SHISA9: variants seen among roughly 807,000 people sequenced by gnomAD.
SHISA9 encodes protein shisa-9.
A neutral mutation model predicts 38.0 loss-of-function variants in SHISA9; 13 were observed. The ratio of observed to expected loss-of-function variants is 0.34; its 90% CI spans 0.22 to 0.54. The LOEUF (loss-of-function observed/expected upper bound fraction) is 0.54. SHISA9 is among the 20% of genes least tolerant of loss of function. The pLI, the probability that SHISA9 is intolerant of heterozygous loss-of-function variation, is 0.91. For synonymous variants in SHISA9, 275 were observed against 242.0 expected (o/e 1.14, Z -1.27); for missense variants, 538 against 575.8 (o/e 0.93, Z 0.67).
intron 2 of SHISA9, among the ~76,000 whole-genome samples, chr16:12,980,935 C>A (rs532093941): frequency 6.6e-6 from 1 of 152,062 alleles, no homozygotes; most frequent in African/African-American, 2.4e-5. Flanking sequence ...CTACTTTATG[C>A]TGTTAATATC....
At chr16:12,919,364 C>T (rs887986102) in intron 2 of SHISA9, among the ~76,000 whole-genome samples, 6 of 152,136 alleles carry the variant, frequency 3.9e-5, no homozygotes, top group South Asian at 2.1e-4. Context: ...AAGAAGGGCA[C>T]GTCATGCTAT....
At chr16:13,526,422 T>TA in the SHISA9 span, among the ~76,000 whole-genome samples, 2 of 152,158 alleles carry the variant, frequency 1.3e-5, no homozygotes, top group African/African-American at 2.4e-5. Flanking sequence ...CTTGCTCTGT[T>TA]GCCCAGGCTA....
At chr16:13,529,863 A>G in the SHISA9 span, among the ~76,000 whole-genome samples, 1 of 152,250 alleles carries the variant, frequency 6.6e-6, no homozygotes, top group Admixed American at 6.5e-5. Context: ...CCACAGCTCC[A>G]GGTAACCTGA....
the SHISA9 span, among the ~76,000 whole-genome samples, chr16:13,352,800 G>A: frequency 1.3e-5 from 2 of 150,286 alleles, 1 homozygote; most frequent in South Asian, 4.2e-4. Context: ...GGGGTCACAA[G>A]GTGCTCAGTG....
At chr16:13,562,771 G>A in the SHISA9 span, 4 of 152,036 alleles carry the variant, frequency 2.6e-5, no homozygotes, top group South Asian at 2.1e-4. Context: ...CACAGGCTAC[G>A]GAGAAGAAAG....
chr16:13,292,292 G>A, the SHISA9 span, among the ~76,000 whole-genome samples: 1 of 151,888 alleles, frequency 6.6e-6, no homozygotes, highest in African/African-American at 2.4e-5. Context: ...TCCTAACATA[G>A]TGTTTTTAAA....
intron 2 of SHISA9, among the ~76,000 whole-genome samples, chr16:13,102,250 A>G (rs753381994): frequency 3.3e-5 from 5 of 152,120 alleles, no homozygotes; most frequent in Non-Finnish European, 7.4e-5. Flanking sequence ...TGATTGTGCT[A>G]CCTGTTGCAT....
chr16:12,975,886 T>C (rs925356496), intron 2 of SHISA9, among the ~76,000 whole-genome samples: 42 of 152,216 alleles, frequency 2.8e-4, no homozygotes, highest in Middle Eastern at 6.8e-3. Context: ...AATTTTTTTT[T>C]TTTTTGCCAG....
In SHISA9 at chr16:13,203,562, T is replaced by G. The variant is rs1248112242; in HGVS notation, c.847+13T>G. On this transcript the variant is annotated intron_variant, in intron 3 of 4. Transcript: ENST00000558583. ...TTAAAGGCAGTCGGTAAGTGCCACC[T>G]GATGGATCTTTTTCTCTTTCTCCTC... is the stretch of plus-strand genomic sequence containing the variant. 6.7e-7 allele frequency: 1 copy of G among 1,487,620 alleles called. No homozygotes were observed. Among genetic ancestry groups the G allele is most frequent in the East Asian group, 2.6e-5 (1 of 39,054 alleles). The allele number at this position is 1,487,620 out of a possible 1,614,324, so 92.2% of individuals were successfully genotyped here.
chr16:13,184,428 A>AGAAACATCACC (rs2050803027), intron 2 of SHISA9, among the ~76,000 whole-genome samples: 1 of 152,196 alleles, frequency 6.6e-6, no homozygotes, highest in African/African-American at 2.4e-5. Flanking sequence ...CTACGTTTCT[A>AGAAACATCACC]AGTAGGGTGA....
chr16:12,946,861 G>A (rs905358724), intron 2 of SHISA9, among the ~76,000 whole-genome samples: 1 of 152,244 alleles, frequency 6.6e-6, no homozygotes, highest in Admixed American at 6.5e-5. Context: ...GCCCATGGGG[G>A]AATTCCTGCT....
At chr16:13,056,472 C>A (rs1413097459) in intron 2 of SHISA9, among the ~76,000 whole-genome samples, 1 of 152,170 alleles carries the variant, frequency 6.6e-6, no homozygotes, top group South Asian at 2.1e-4. Context: ...CTACAGACAT[C>A]AGGTCAGACA....
At chr16:13,502,180 C>G in the SHISA9 span, among the ~76,000 whole-genome samples, 2 of 151,840 alleles carry the variant, frequency 1.3e-5, no homozygotes, top group African/African-American at 4.8e-5. Context: ...AGATTGCCTA[C>G]ATAGCTGTCA....
chr16:13,441,764 A>G, the SHISA9 span, among the ~76,000 whole-genome samples: 22 of 152,092 alleles, frequency 1.4e-4, no homozygotes, highest in African/African-American at 4.1e-4. Context: ...TGCCGTCCCT[A>G]TTGAAGTCAC....
Position 13,093,166 on chromosome 16 carries a change from C to G in SHISA9, c.692-110228C>G, listed in dbSNP as rs140477082. ...GGTGAGGAACATGGGGCAGCCAGTT[C>G]AAGTGGCTGCACCCCTCTTGTTCTG... On this transcript the variant is annotated intron_variant, in intron 2 of 4. Coordinates refer to ENST00000558583, the MANE Select transcript of SHISA9 (RefSeq NM_001145204.3). 6.2e-3 allele frequency among the ~76,000 whole-genome samples: 946 copies of G among 152,264 alleles called. 10 individuals carry two copies. The highest frequency in any genetic ancestry group is 0.022 in the African/African-American group (895 of 41,556).
chr16:13,241,503 T>G (rs1007556982), downstream of SHISA9, among the ~76,000 whole-genome samples: 1 of 151,832 alleles, frequency 6.6e-6, no homozygotes, highest in African/African-American at 2.4e-5. Flanking sequence ...CCAAACTCCA[T>G]CTCAAAAAAA....
At chr16:13,518,808 G>A in the SHISA9 span, among the ~76,000 whole-genome samples, 3 of 152,196 alleles carry the variant, frequency 2.0e-5, no homozygotes, top group Admixed American at 6.5e-5. Flanking sequence ...CTCACAGTTC[G>A]AGGTTAGGAA....
chr16:12,934,648 G>A (rs1290505193), intron 2 of SHISA9, among the ~76,000 whole-genome samples: 1 of 152,132 alleles, frequency 6.6e-6, no homozygotes, highest in Non-Finnish European at 1.5e-5. Context: ...TTTCAGGCAG[G>A]CTTCATTCAC....
chr16:12,970,469 G>GTATATATATATA (rs781120776), intron 2 of SHISA9, among the ~76,000 whole-genome samples: 1 of 24,050 alleles, frequency 4.2e-5, no homozygotes, highest in African/African-American at 1.7e-4. Flanking sequence ...ATATGTGTGT[G>GTATATATATATA]TATATATATA....
Sources: gnomAD v4.1 joint callset for allele counts (sites outside exome capture counted in the v4.1 genomes callset) on GRCh38, gnomAD v4.1.1 for gene constraint, MANE v1.5 for transcripts, NCBI Gene and HGNC (gene_info 2026-07-23, HGNC 2026-07-21) for gene names.